C1orf159: variants seen among roughly 807,000 people sequenced by gnomAD.
C1orf159 encodes uncharacterized protein C1orf159.
In C1orf159, 19 loss-of-function variants were observed where a neutral mutation model predicts 25.6. The ratio of observed to expected loss-of-function variants is 0.74; its 90% CI spans 0.52 to 1.09. The LOEUF (loss-of-function observed/expected upper bound fraction) is 1.09, where lower values mean the gene tolerates loss of function less well. C1orf159 is among the 50% of genes least tolerant of loss of function. The pLI is 0.00. For synonymous variants in C1orf159, 139 were observed against 124.7 expected (o/e 1.12, Z -0.77); for missense variants, 274 against 290.6 (o/e 0.94, Z 0.42).
intron 1 of C1orf159, among the ~76,000 whole-genome samples, chr1:1,098,889 A>G (rs543598986): frequency 3.7e-4 from 56 of 152,336 alleles, no homozygotes; most frequent in African/African-American, 1.3e-3. Context: ...CTGGATTACA[A>G]GCTTGAGCCC....
chr1:1,085,695 T>C (rs1645817560), intron 7 of C1orf159, among the ~76,000 whole-genome samples, 183 bp downstream of exon 7: 1 of 152,164 alleles, frequency 6.6e-6, no homozygotes, highest in South Asian at 2.1e-4. Flanking sequence ...CACACACGGC[T>C]GTTTCCGGGA....
chr1:1,115,902 GCCGCA>G, intron 1 of C1orf159, among the ~76,000 whole-genome samples, 153 bp downstream of exon 1: 1 of 150,726 alleles, frequency 6.6e-6, no homozygotes, highest in East Asian at 2.0e-4. Flanking sequence ...TCCTCCGCGC[GCCGCA>G]CAATGGGGGA....
At chr1:1,115,613 AC>A (rs1246420876) in intron 1 of C1orf159, among the ~76,000 whole-genome samples, 3 of 19,134 alleles carry the variant, frequency 1.6e-4, no homozygotes, top group South Asian at 3.4e-3. Flanking sequence ...CTCCCCAGGG[AC>A]CCCCCTCCCT....
chr1:1,098,242 T>A (rs753411943), intron 1 of C1orf159, among the ~76,000 whole-genome samples: 1 of 151,916 alleles, frequency 6.6e-6, no homozygotes, highest in Non-Finnish European at 1.5e-5. Context: ...GCTAATTTTT[T>A]AAACTTTTAG....
In C1orf159 at chr1:1,089,259, C is replaced by T. The variant is rs1018187395; in HGVS notation, c.148+1094G>A. On this transcript the variant is annotated intron_variant, in intron 4 of 9. Coordinates refer to ENST00000421241, the MANE Select transcript of C1orf159 (RefSeq NM_017891.5). The surrounding 1 kb of genome is among the most constrained non-coding windows in gnomAD (Gnocchi z 7.5). The stretch of plus-strand genomic sequence containing the variant: ...GCTGGCCTGGCCCCTCCATGGGCAC[C>T]GTGACTGCTGCACAGCTGCCTGCAC... Among the ~76,000 whole-genome samples the T allele has an allele frequency of 1.2e-4, 19 of 152,162 alleles. No homozygotes were observed. Among genetic ancestry groups the T allele is most frequent in the South Asian group, 4.1e-4 (2 of 4,832 alleles).
At chr1:1,085,313 G>T (rs779989608) in intron 7 of C1orf159, 1 of 412,730 alleles carries the variant, frequency 2.4e-6, no homozygotes, top group East Asian at 7.5e-5. Flanking sequence ...GGCCGGCCCT[G>T]GACAACGAGG....
In C1orf159 at chr1:1,109,468, A is replaced by T. The variant is rs555461333; in HGVS notation, c.-136+6592T>A. On this transcript the variant is annotated intron_variant, in intron 1 of 9. Coordinates refer to ENST00000421241, the MANE Select transcript of C1orf159 (RefSeq NM_017891.5). ...CTTTCTTTCCTTTCCTCCTTTTTAA[A>T]ATTTCTTTCTTTCTTTTAGAGATGG... Among the ~76,000 whole-genome samples the T allele has an allele frequency of 2.6e-5, 4 of 151,322 alleles. No individual in the cohort carries two copies. In the South Asian group the frequency reaches 8.4e-4, roughly 32 times the overall value.
chr1:1,102,603 C>A (rs1570328035), intron 1 of C1orf159, among the ~76,000 whole-genome samples: 1 of 119,474 alleles, frequency 8.4e-6, no homozygotes, highest in African/African-American at 3.4e-5. Flanking sequence ...ATAGCGAAAC[C>A]CTGTCTCTAC....
chr1:1,094,878 G>A (rs1461937383), intron 1 of C1orf159, among the ~76,000 whole-genome samples: 2 of 152,182 alleles, frequency 1.3e-5, no homozygotes, highest in Non-Finnish European at 2.9e-5. Flanking sequence ...TTCCAGAAGT[G>A]TTACAGTTTT....
chr1:1,086,058 GCTC>G (rs1426258812), intron 6 of C1orf159, 46 bp from the exon 7 acceptor site: 2 of 1,603,332 alleles, frequency 1.2e-6, no homozygotes, highest in Admixed American at 1.7e-5. Flanking sequence ...GGTGGCCCTG[GCTC>G]CTCGCCTGGC....
intron 1 of C1orf159, among the ~76,000 whole-genome samples, chr1:1,111,638 C>T (rs540936707): frequency 6.6e-5 from 10 of 152,264 alleles, no homozygotes; most frequent in South Asian, 4.1e-4. Flanking sequence ...AAGCAACCAC[C>T]GGCTGGGGCA....
At chr1:1,101,374 T>C (rs1646097590) in intron 1 of C1orf159, among the ~76,000 whole-genome samples, 1 of 152,154 alleles carries the variant, frequency 6.6e-6, no homozygotes. Context: ...TCCCAGCTAC[T>C]TGGGAGGCTG....
intron 1 of C1orf159, among the ~76,000 whole-genome samples, chr1:1,112,576 T>C (rs1177256410): frequency 2.0e-5 from 3 of 150,578 alleles, no homozygotes; most frequent in South Asian, 4.2e-4. Context: ...ACACAGCGCA[T>C]GCTCCCTCCC....
At chr1:1,083,777 G>T in intron 9 of C1orf159, 2 of 784,694 alleles carry the variant, frequency 2.5e-6, no homozygotes, top group Non-Finnish European at 4.1e-6. Context: ...CTAAAGGCAC[G>T]GTCACCTGCC....
intron 1 of C1orf159, among the ~76,000 whole-genome samples, chr1:1,111,150 A>G (rs1164612054): frequency 1.3e-5 from 2 of 152,238 alleles, no homozygotes; most frequent in African/African-American, 2.4e-5. Flanking sequence ...TAATGGGATG[A>G]AAATTTCTAC....
rs543339613 is a variant in C1orf159, at chr1:1,110,103, G to C, written c.-136+5957C>G. Among the ~76,000 whole-genome samples, 144 of 152,334 alleles carry C rather than the reference G, an allele frequency of 9.5e-4. No homozygotes were observed. The Middle Eastern group carries it at 0.027, about 29-fold the overall frequency. On this transcript the variant is annotated intron_variant, in intron 1 of 9. Coordinates refer to ENST00000421241, the MANE Select transcript of C1orf159 (RefSeq NM_017891.5). This position sits in a 1 kb window ranked among gnomAD's most constrained non-coding sequence, Gnocchi z 4.8. The stretch of plus-strand genomic sequence containing the variant: ...GTGTGACTTAACCCCGGCCTGGCAC[G>C]GCCTTAGGTCCTGATTATAACTCGG...
At chr1:1,100,019 A>G (rs1646078219) in intron 1 of C1orf159, among the ~76,000 whole-genome samples, 1 of 152,226 alleles carries the variant, frequency 6.6e-6, no homozygotes, top group Non-Finnish European at 1.5e-5. Flanking sequence ...CTGGAGACTG[A>G]GGCAGGAGGA....
intron 2 of C1orf159, 151 bp from the exon 3 acceptor site, chr1:1,091,716 G>A: frequency 1.8e-6 from 1 of 547,280 alleles, no homozygotes; most frequent in Admixed American, 2.4e-5. Flanking sequence ...TGGGGCTGTG[G>A]TGGAGGGTGG....
rs1645767792 is a variant in C1orf159 at position 1,082,931 on chromosome 1, C to CG, written c.558dup (p.Ala187ArgfsTer91). 1 of 1,603,112 alleles carries CG rather than the reference C, an allele frequency of 6.2e-7. No individual in the cohort carries two copies. The highest frequency in any genetic ancestry group is 1.1e-5 in the South Asian group (1 of 89,226). On this transcript the variant is annotated frameshift_variant, in exon 10 of 10. Coordinates refer to ENST00000421241, the MANE Select transcript of C1orf159 (RefSeq NM_017891.5). LOFTEE classifies it high-confidence loss of function. The stretch of plus-strand genomic sequence containing the variant: ...ATACGGGCCTCCCCCGGGAAGGCAG[C>CG]GGGATCCGTGGCCCTGTCCAGGGGC...
Sources: gnomAD v4.1 joint callset for allele counts (sites outside exome capture counted in the v4.1 genomes callset) on GRCh38, gnomAD v4.1.1 for gene constraint, Gnocchi (gnomAD v3.1) non-coding constraint, MANE v1.5 for transcripts, NCBI Gene and HGNC (gene_info 2026-07-23, HGNC 2026-07-21) for gene names.